Variants in PPHLN1 observed in about 807,000 individuals in gnomAD.
The protein encoded by PPHLN1 is periphilin 1.
A neutral mutation model predicts 51.3 loss-of-function variants in PPHLN1; 29 were observed. That is an observed-to-expected ratio of 0.57 (90% CI 0.42 to 0.77). The LOEUF is 0.77. Ranked by LOEUF, PPHLN1 falls within the 30% of genes least tolerant of loss-of-function variation. The pLI, the probability that PPHLN1 is intolerant of heterozygous loss-of-function variation, is 0.00. For synonymous variants in PPHLN1, 147 were observed against 147.8 expected (o/e 0.99, Z 0.04); for missense variants, 436 against 438.4 (o/e 0.99, Z 0.05).
rs1398100863 is a variant in PPHLN1 at position 42,386,532 on chromosome 12, CTT to C, written c.569-923_569-922del. The stretch of plus-strand genomic sequence containing the variant: ...AAGTCGTTTTATCTCTGCTTTTGCT[CTT>C]GACTGCTTTGCTGTTAATCCACTGT... On this transcript the variant is annotated intron_variant, in intron 6 of 9. Transcript: ENST00000358314. 2.0e-5 allele frequency among the ~76,000 whole-genome samples: 3 copies of C among 152,274 alleles called. No homozygotes were observed. In the East Asian group the frequency reaches 5.8e-4, roughly 29 times the overall value.
intron 4 of PPHLN1, among the ~76,000 whole-genome samples, chr12:42,364,156 G>A (rs1321950341): frequency 5.9e-5 from 9 of 152,112 alleles, no homozygotes; most frequent in East Asian, 1.9e-4. Flanking sequence ...CCTGGGAAGC[G>A]GAGGTTGCAG....
At chr12:42,401,560 T>C (rs2078849304) in intron 9 of PPHLN1, among the ~76,000 whole-genome samples, 1 of 151,900 alleles carries the variant, frequency 6.6e-6, no homozygotes, top group Non-Finnish European at 1.5e-5. Flanking sequence ...TCAGCTCTAC[T>C]GCTTGTCAGA....
intron 6 of PPHLN1, 143 bp from the exon 7 acceptor site, chr12:42,387,313 T>C: frequency 1.2e-6 from 1 of 829,868 alleles, no homozygotes; most frequent in South Asian, 2.2e-5. Flanking sequence ...GTTTTAGATA[T>C]TAACCTATTT....
At chr12:42,353,876 A>G (rs116789868) in intron 3 of PPHLN1, among the ~76,000 whole-genome samples, 1,943 of 152,222 alleles carry the variant, frequency 0.013, 42 homozygotes, top group African/African-American at 0.044. Flanking sequence ...TTTTTCTAAT[A>G]TTGTTACCAA....
At chr12:42,346,356 C>T (rs57447201) in intron 2 of PPHLN1, among the ~76,000 whole-genome samples, 12,359 of 152,020 alleles carry the variant, frequency 0.081, 547 homozygotes, top group East Asian at 0.15. Flanking sequence ...GTGTATCTAG[C>T]TTATTTCACT....
chr12:42,444,848 T>C (rs1593073538), downstream of PPHLN1: 4 of 577,606 alleles, frequency 6.9e-6, no homozygotes, highest in African/African-American at 5.6e-5. Context: ...TACCTAACGC[T>C]GTAATGCTTT....
At chr12:42,392,355 A>G (rs1297185890) in intron 7 of PPHLN1, among the ~76,000 whole-genome samples, 1 of 152,202 alleles carries the variant, frequency 6.6e-6, no homozygotes, top group East Asian at 1.9e-4. Context: ...ATGGAATTCT[A>G]TTTAATTAAA....
At chr12:42,381,551 C>G (rs910947425) in intron 5 of PPHLN1, among the ~76,000 whole-genome samples, 1 of 152,190 alleles carries the variant, frequency 6.6e-6, no homozygotes, top group Non-Finnish European at 1.5e-5. Context: ...AAAGTTGGAT[C>G]TTGAGGGAAG....
At chr12:42,390,033 A>C (rs2077551419) in intron 7 of PPHLN1, among the ~76,000 whole-genome samples, 1 of 152,242 alleles carries the variant, frequency 6.6e-6, no homozygotes. Flanking sequence ...AGTTCTCTTC[A>C]CAGATATCAT....
intron 2 of PPHLN1, among the ~76,000 whole-genome samples, chr12:42,349,812 C>T (rs1002199950): frequency 6.6e-5 from 10 of 152,348 alleles, no homozygotes; most frequent in African/African-American, 2.4e-4. Context: ...CTTCTTTCTA[C>T]ACAGACACAG....
chr12:42,394,032 C>G (rs933863902), intron 8 of PPHLN1, among the ~76,000 whole-genome samples: 1 of 151,950 alleles, frequency 6.6e-6, no homozygotes, highest in Non-Finnish European at 1.5e-5. Context: ...GAATTCAGAA[C>G]AGAAATCTAA....
intron 8 of PPHLN1, among the ~76,000 whole-genome samples, chr12:42,398,279 AATT>A (rs2078457454): frequency 6.6e-6 from 1 of 152,166 alleles, no homozygotes. Flanking sequence ...GATTTCAGTG[AATT>A]ATTAGGCTAC....
chr12:42,414,508 A>G (rs1454286139), intron 9 of PPHLN1, among the ~76,000 whole-genome samples: 1 of 151,672 alleles, frequency 6.6e-6, no homozygotes, highest in Admixed American at 6.6e-5. Context: ...GGATATTCCT[A>G]GGTATTTTAT....
At chr12:42,422,656 T>C (rs2081107058) in intron 9 of PPHLN1, among the ~76,000 whole-genome samples, 1 of 152,230 alleles carries the variant, frequency 6.6e-6, no homozygotes, top group Non-Finnish European at 1.5e-5. Context: ...AAAAAATCAA[T>C]TTTAATAAAC....
intron 9 of PPHLN1, among the ~76,000 whole-genome samples, chr12:42,436,705 G>A (rs886929975): frequency 1.3e-5 from 2 of 152,054 alleles, no homozygotes; most frequent in South Asian, 2.1e-4. Context: ...TTACCAATCC[G>A]ACAACTGAGA....
intron 8 of PPHLN1, chr12:42,398,627 A>C: frequency 5.7e-6 from 2 of 349,864 alleles, no homozygotes; most frequent in Non-Finnish European, 1.0e-5. Context: ...ATGGCACGCA[A>C]ATTCATGAAG....
chr12:42,379,233 C>T (rs1387816811), intron 5 of PPHLN1, among the ~76,000 whole-genome samples: 2 of 151,892 alleles, frequency 1.3e-5, no homozygotes, highest in Non-Finnish European at 2.9e-5. Flanking sequence ...CTCCCACACC[C>T]ATTTTTTGTT....
At chr12:42,446,804 G>C (rs546167759), downstream of PPHLN1, 122 of 583,048 alleles carry the variant, frequency 2.1e-4, no homozygotes, top group African/African-American at 1.9e-3. Context: ...GCTGAAGGCA[G>C]CTTTATTAAT....
chr12:42,363,660 G>A (rs1040071547), intron 4 of PPHLN1, among the ~76,000 whole-genome samples: 15 of 151,774 alleles, frequency 9.9e-5, no homozygotes, highest in Non-Finnish European at 1.9e-4. Flanking sequence ...GCCCTGCCCC[G>A]CTCTGAAAGT....
Sources: gnomAD v4.1 joint callset for allele counts (sites outside exome capture counted in the v4.1 genomes callset) on GRCh38, gnomAD v4.1.1 for gene constraint, MANE v1.5 for transcripts, NCBI Gene and HGNC (gene_info 2026-07-23, HGNC 2026-07-21) for gene names.